Variants in GLRA3 observed in about 807,000 individuals in gnomAD.
The protein encoded by GLRA3 is glycine receptor subunit alpha-3.
A neutral mutation model predicts 60.4 loss-of-function variants in GLRA3; 44 were observed. The observed-to-expected ratio is 0.73, with a 90% CI of 0.57 to 0.94. GLRA3 has a LOEUF of 0.94. Ranked by LOEUF, GLRA3 falls within the 40% of genes least tolerant of loss-of-function variation. The probability of loss-of-function intolerance (pLI) is 0.00; values close to 1 mark genes in which losing one functional copy is unlikely to be tolerated. For missense variants in GLRA3, 508 were observed against 564.6 expected, an observed-to-expected ratio of 0.90 and a Z score of 1.02; for synonymous variants, 223 against 192.9, an observed-to-expected ratio of 1.16 and a Z score of -1.29.
chr4:174,799,938 G>A (rs1198388085), intron 1 of GLRA3, among the ~76,000 whole-genome samples: 1 of 152,064 alleles, frequency 6.6e-6, no homozygotes, highest in Non-Finnish European at 1.5e-5. Context: ...AGATTCAGAT[G>A]ATGAATTTGT....
At chr4:174,723,413 T>C (rs10000984) in intron 4 of GLRA3, among the ~76,000 whole-genome samples, 62,875 of 151,798 alleles carry the variant, frequency 0.41, 13,247 homozygotes, top group South Asian at 0.47. Flanking sequence ...TTCTATTTTG[T>C]TCAATGATCA....
intron 5 of GLRA3, among the ~76,000 whole-genome samples, chr4:174,687,589 A>C (rs1251933527): frequency 6.6e-6 from 1 of 152,230 alleles, no homozygotes; most frequent in African/African-American, 2.4e-5. Context: ...TGAACTTGTC[A>C]TGTTAAGGGA....
intron 2 of GLRA3, among the ~76,000 whole-genome samples, chr4:174,772,836 G>A (rs559730402): frequency 6.6e-6 from 1 of 152,228 alleles, no homozygotes; most frequent in Non-Finnish European, 1.5e-5. Context: ...ATAATAGTCT[G>A]GGATGGGGAC....
At chr4:174,723,223 T>C (rs552583189) in intron 4 of GLRA3, among the ~76,000 whole-genome samples, 1 of 152,230 alleles carries the variant, frequency 6.6e-6, no homozygotes, top group South Asian at 2.1e-4. Flanking sequence ...TTCTTTAATA[T>C]AATGCATTTG....
At chr4:174,813,944 CA>C (rs1258494907) in intron 1 of GLRA3, among the ~76,000 whole-genome samples, 1 of 152,156 alleles carries the variant, frequency 6.6e-6, no homozygotes, top group African/African-American at 2.4e-5. Flanking sequence ...ACTCAGCCCA[CA>C]GCTCTCAAAC....
chr4:174,740,767 C>T (rs1736989490), intron 3 of GLRA3, among the ~76,000 whole-genome samples: 1 of 152,146 alleles, frequency 6.6e-6, no homozygotes, highest in Admixed American at 6.5e-5. Flanking sequence ...GTCTTGAAAC[C>T]ATCCCTACAC....
intron 5 of GLRA3, among the ~76,000 whole-genome samples, chr4:174,706,093 G>A (rs554714201): frequency 2.3e-4 from 35 of 152,176 alleles, no homozygotes; most frequent in South Asian, 8.3e-4. Flanking sequence ...AGCCGGGCGT[G>A]GTGGCGGGCA....
intron 7 of GLRA3, among the ~76,000 whole-genome samples, chr4:174,673,474 A>G (rs6553804): frequency 0.012 from 1,847 of 152,256 alleles, 32 homozygotes; most frequent in African/African-American, 0.042. Flanking sequence ...CAGAATGCTG[A>G]GATCTCAAAG....
chr4:174,828,465 A>G (rs1741068215), intron 1 of GLRA3, among the ~76,000 whole-genome samples: 1 of 152,236 alleles, frequency 6.6e-6, no homozygotes, highest in Non-Finnish European at 1.5e-5. Flanking sequence ...GCAATTTGAG[A>G]AGGAAAACGT....
chr4:174,744,854 A>T (rs994394712), intron 3 of GLRA3, among the ~76,000 whole-genome samples: 10 of 152,192 alleles, frequency 6.6e-5, no homozygotes, highest in Admixed American at 5.9e-4. Context: ...TTATGATATT[A>T]AAAAAGCTTA....
chr4:174,786,449 T>C (rs1190204190), intron 2 of GLRA3, among the ~76,000 whole-genome samples: 1 of 152,184 alleles, frequency 6.6e-6, no homozygotes, highest in Non-Finnish European at 1.5e-5. Context: ...CATTCTCACC[T>C]CCTTTTGTGT....
chr4:174,776,533 A>T (rs542248531), intron 2 of GLRA3, among the ~76,000 whole-genome samples: 1 of 152,324 alleles, frequency 6.6e-6, no homozygotes, highest in South Asian at 2.1e-4. Flanking sequence ...AAGACGCATT[A>T]AATTAGCAGT....
At chr4:174,701,400 G>A (rs568488411) in intron 5 of GLRA3, among the ~76,000 whole-genome samples, 1 of 152,140 alleles carries the variant, frequency 6.6e-6, no homozygotes, top group Non-Finnish European at 1.5e-5. Context: ...AAATATCACT[G>A]CTGATGCCAA....
At position 174,798,500 on chromosome 4, in the gene GLRA3, T is replaced by G. The variant is rs181482128; in HGVS notation, c.72-9557A>C. 4.2e-4 allele frequency among the ~76,000 whole-genome samples: 64 copies of G among 152,254 alleles called. 3 individuals are homozygous for G. In the East Asian group the frequency reaches 0.012, roughly 28 times the overall value. ...ATCTGGGAATATGTGATGTTTCGAG[T>G]ATTTCAAACTAAATCAAAGTGGCTA... On this transcript the variant is annotated intron_variant, in intron 1 of 9. Transcript: ENST00000274093.
intron 2 of GLRA3, among the ~76,000 whole-genome samples, chr4:174,777,933 A>G (rs1213358530): frequency 6.6e-6 from 1 of 152,212 alleles, no homozygotes; most frequent in Non-Finnish European, 1.5e-5. Flanking sequence ...TCCTGTCTTG[A>G]AAATGAAAAC....
At chr4:174,807,139 G>A (rs1740082856) in intron 1 of GLRA3, among the ~76,000 whole-genome samples, 1 of 151,894 alleles carries the variant, frequency 6.6e-6, no homozygotes. Flanking sequence ...GACAAAAGAA[G>A]ATACAGAGAA....
intron 3 of GLRA3, among the ~76,000 whole-genome samples, chr4:174,761,943 G>A (rs1737957024): frequency 6.6e-6 from 1 of 152,098 alleles, no homozygotes; most frequent in Admixed American, 6.5e-5. Flanking sequence ...AAAAGTTTAT[G>A]ATTCAGTAAT....
At chr4:174,761,001 T>C (rs1156601510) in intron 3 of GLRA3, among the ~76,000 whole-genome samples, 1 of 152,168 alleles carries the variant, frequency 6.6e-6, no homozygotes, top group Admixed American at 6.5e-5. Flanking sequence ...ATTTTGATTA[T>C]ATTTTCATAC....
At chr4:174,692,321 G>C (rs1734868487) in intron 5 of GLRA3, among the ~76,000 whole-genome samples, 1 of 146,628 alleles carries the variant, frequency 6.8e-6, no homozygotes, top group African/African-American at 2.6e-5. Flanking sequence ...GAGGTGGGGG[G>C]GTCAGCCCCC....
Sources: gnomAD v4.1 joint callset for allele counts (sites outside exome capture counted in the v4.1 genomes callset) on GRCh38, gnomAD v4.1.1 for gene constraint, MANE v1.5 for transcripts, NCBI Gene and HGNC (gene_info 2026-07-23, HGNC 2026-07-21) for gene names.